The following ZNF382 variants were observed in gnomAD, a reference collection of about 807,000 sequenced individuals.
The protein encoded by ZNF382 is KRAB/zinc finger suppressor protein 1.
Under a neutral mutation model 38.8 loss-of-function variants are expected in ZNF382, and 20 were observed. The observed-to-expected ratio is 0.51, with a 90% confidence interval of 0.36 to 0.75. ZNF382 has a LOEUF of 0.75. Among genes scored for constraint, ZNF382 ranks in the 30% least tolerant of loss-of-function variants. The pLI, the probability that ZNF382 is intolerant of heterozygous loss-of-function variation, is 0.00. For missense variants in ZNF382, 546 were observed against 654.1 expected, an observed-to-expected ratio of 0.83 and a Z score of 1.80; for synonymous variants, 202 against 223.1, an observed-to-expected ratio of 0.91 and a Z score of 0.84.
intron 2 of ZNF382, chr19:36,609,102 C>T (rs2037057048): frequency 6.6e-6 from 1 of 152,176 alleles, no homozygotes; most frequent in Non-Finnish European, 1.5e-5. Context: ...ATGTTCTTTA[C>T]ATTCCTTAAA....
At chr19:36,624,275 C>G (rs2037192808) in intron 4 of ZNF382, among the ~76,000 whole-genome samples, 1 of 152,184 alleles carries the variant, frequency 6.6e-6, no homozygotes, top group Non-Finnish European at 1.5e-5. Context: ...AGCTTACACT[C>G]TGCAAAATAT....
At chr19:36,616,592 A>C (rs1423542276) in intron 4 of ZNF382, among the ~76,000 whole-genome samples, 1 of 152,188 alleles carries the variant, frequency 6.6e-6, no homozygotes, top group East Asian at 1.9e-4. Context: ...ACATGGAACA[A>C]GGTTAGCTGT....
intron 4 of ZNF382, among the ~76,000 whole-genome samples, chr19:36,613,401 G>A (rs1247901461): frequency 6.8e-6 from 1 of 146,334 alleles, no homozygotes; most frequent in Non-Finnish European, 1.5e-5. Context: ...ATAGTGCTCT[G>A]TAATTTCTTT....
At chr19:36,620,078 A>G (rs2037157181) in intron 4 of ZNF382, among the ~76,000 whole-genome samples, 1 of 152,022 alleles carries the variant, frequency 6.6e-6, no homozygotes, top group South Asian at 2.1e-4. Flanking sequence ...TCATTGTTTA[A>G]TATCTATCTC....
At chr19:36,605,739 C>G (rs752832134) in intron 1 of ZNF382, 2 of 152,354 alleles carry the variant, frequency 1.3e-5, no homozygotes, top group Non-Finnish European at 2.9e-5. Flanking sequence ...AGGTGCTTGC[C>G]TCTCTTTGGG....
rs1230509739 is a variant in ZNF382 at position 36,628,773 on chromosome 19, T to C, written c.*1223T>C. 2.0e-5 allele frequency: 3 copies of C among 152,574 alleles called. No individual in the cohort carries two copies. The highest frequency in any genetic ancestry group is 4.4e-5 in the Non-Finnish European group (3 of 68,058). 9.5% of individuals were successfully genotyped at this position (152,574 alleles called of 1,614,324 possible). A position where few individuals can be genotyped will look rare whatever the true frequency, so the allele number is the denominator to read the frequency against. On this transcript the variant is annotated 3_prime_UTR_variant, in exon 5 of 5. Transcript: ENST00000292928. ...TCTGTATCTACTGGTCAGGTACAAATGATGAATATGGAAAAGCTTATAGCC... is the reference window on the plus strand; with the variant it reads ...TCTGTATCTACTGGTCAGGTACAAACGATGAATATGGAAAAGCTTATAGCC...
At chr19:36,605,549 A>G (rs2037011955) in intron 1 of ZNF382, 1 of 152,228 alleles carries the variant, frequency 6.6e-6, no homozygotes. Context: ...GGCGTGGTCC[A>G]TGGGCGTGAC....
rs938591774 is a variant in ZNF382, at chr19:36,629,297, C to T, written c.*1747C>T. On this transcript the variant is annotated 3_prime_UTR_variant, in exon 5 of 5. Transcript: ENST00000292928. ...GAAAGAAGTCTAGCCATACCGAGAC[C>T]ATAATGCTAGGAAGTCTATGTGTAG... The T allele has an allele frequency of 2.0e-5, 3 of 152,102 alleles. No homozygotes were observed. The highest frequency in any genetic ancestry group is 7.2e-5 in the African/African-American group (3 of 41,416). 9.4% of individuals were successfully genotyped at this position (152,102 alleles called of 1,614,324 possible).
chr19:36,622,519 A>G (rs552818155), intron 4 of ZNF382, among the ~76,000 whole-genome samples: 2 of 152,290 alleles, frequency 1.3e-5, no homozygotes, highest in African/African-American at 2.4e-5. Flanking sequence ...TGGCAACACT[A>G]TGTGACGATA....
chr19:36,626,999 A>C lies in ZNF382; in HGVS notation c.1102A>C (p.Thr368Pro), dbSNP rs1032659383. 1 of 1,614,138 alleles carries C rather than the reference A, an allele frequency of 6.2e-7. No individual in the cohort carries two copies. The highest frequency in any genetic ancestry group is 1.3e-5 in the African/African-American group (1 of 75,030). ...GKSFRQKATL[T>P]RHHKTHTGEK... is the part of the protein sequence containing the mutation. ...GTCCTTCCGCCAGAAGGCCACCCTCACTAGACATCACAAAACACATACGGG... is the reference window on the plus strand; with the variant it reads ...GTCCTTCCGCCAGAAGGCCACCCTCCCTAGACATCACAAAACACATACGGG... Residue 368 changes from threonine to proline, a missense_variant, in exon 5 of 5, where the codon ACT becomes CCT. Coordinates refer to ENST00000292928, the MANE Select transcript of ZNF382 (RefSeq NM_032825.5).
At position 36,609,704 on chromosome 19, in the gene ZNF382, A is replaced by G. The variant is rs557583059; in HGVS notation, c.-13-198A>G. On this transcript the variant is annotated intron_variant, in intron 2 of 4. Transcript: ENST00000292928. ...AGGGTTTTATTCATTTTGGTCTACC[A>G]GGCAACCAGTCACATTCAGGACAAA... The G allele has an allele frequency of 6.8e-4, 321 of 474,542 alleles. 1 individual carries two copies. Among genetic ancestry groups the G allele is most frequent in the South Asian group, 1.7e-3 (41 of 24,288 alleles). 29.4% of individuals were successfully genotyped at this position (474,542 alleles called of 1,614,324 possible).
rs1189382048 is a variant in ZNF382, at chr19:36,633,843, T to TATGATTCCATTTATATCC, written c.*6309_*6310insCCATGATTCCATTTATAT. 2 of 152,104 alleles carry TATGATTCCATTTATATCC rather than the reference T, an allele frequency of 1.3e-5. No homozygotes were observed. Among genetic ancestry groups the TATGATTCCATTTATATCC allele is most frequent in the African/African-American group, 4.8e-5 (2 of 41,404 alleles). The allele number at this position is 152,104 out of a possible 1,614,324, so 9.4% of individuals were successfully genotyped here. A position where few individuals can be genotyped will look rare whatever the true frequency, so the allele number is the denominator to read the frequency against. On this transcript the variant is annotated 3_prime_UTR_variant, in exon 5 of 5. Coordinates refer to ENST00000292928, the MANE Select transcript of ZNF382 (RefSeq NM_032825.5). ...CCCAGTCCCAAAAAGTTACATACTGTATGATTCCATTTATATGACATGCTG... is the reference window on the plus strand; with the variant it reads ...CCCAGTCCCAAAAAGTTACATACTGTATGATTCCATTTATATCCATGATTCCATTTATATGACATGCTG...
In ZNF382 at chr19:36,632,743, C is replaced by T. The variant is rs2037261562; in HGVS notation, c.*5193C>T. ...GCTTTGCAGTCTGACTGTAAATCAG[C>T]TCCATCTTATAAACATGGTTCCTAT... is the stretch of plus-strand genomic sequence containing the variant. On this transcript the variant is annotated 3_prime_UTR_variant, in exon 5 of 5. Coordinates refer to ENST00000292928, the MANE Select transcript of ZNF382 (RefSeq NM_032825.5). The T allele has an allele frequency of 6.6e-6, 1 of 152,214 alleles. No homozygotes were observed. Among genetic ancestry groups the T allele is most frequent in the African/African-American group, 2.4e-5 (1 of 41,442 alleles). The allele number at this position is 152,214 out of a possible 1,614,324, so 9.4% of individuals were successfully genotyped here.
chr19:36,618,762 G>T (rs1402567830), intron 4 of ZNF382, among the ~76,000 whole-genome samples: 3 of 152,124 alleles, frequency 2.0e-5, no homozygotes, highest in African/African-American at 4.8e-5. Flanking sequence ...TGTCAGCCGG[G>T]CACAGTGGTT....
intron 4 of ZNF382, among the ~76,000 whole-genome samples, chr19:36,615,843 A>T (rs1417273690): frequency 6.6e-6 from 1 of 152,200 alleles, no homozygotes; most frequent in East Asian, 1.9e-4. Context: ...TAGTAAATAT[A>T]ATAGTAACTT....
rs1386056612 is a variant in ZNF382, at chr19:36,627,594, C to T, written c.*44C>T. ...TAAAAAAATGTTAAGTCATAGTAAA[C>T]CCTGTAGATGATGTTGCTTGCAAGC... On this transcript the variant is annotated 3_prime_UTR_variant, in exon 5 of 5. Coordinates refer to ENST00000292928, the MANE Select transcript of ZNF382 (RefSeq NM_032825.5). 7.0e-7 allele frequency: 1 copy of T among 1,431,662 alleles called. No homozygotes were observed. The highest frequency in any genetic ancestry group is 9.7e-7 in the Non-Finnish European group (1 of 1,028,372). 88.7% of individuals were successfully genotyped at this position (1,431,662 alleles called of 1,614,324 possible).
chr19:36,613,480 A>G (rs1214152046), intron 4 of ZNF382, among the ~76,000 whole-genome samples: 2 of 147,554 alleles, frequency 1.4e-5, no homozygotes, highest in Non-Finnish European at 3.0e-5. Flanking sequence ...CTGGAGCGCA[A>G]TGGTGTGATC....
At chr19:36,605,505 T>C (rs1375531152) in intron 1 of ZNF382, 158 bp downstream of exon 1, 2 of 152,394 alleles carry the variant, frequency 1.3e-5, no homozygotes, top group East Asian at 3.9e-4. Context: ...GACCGCGGTA[T>C]CCAGACGCTC....
chr19:36,626,032 C>A, intron 4 of ZNF382, 98 bp from the exon 5 acceptor site: 1 of 776,224 alleles, frequency 1.3e-6, no homozygotes, highest in Non-Finnish European at 1.9e-6. Context: ...TTTTGTAGAT[C>A]ACGGTAGTGA....
Sources: gnomAD v4.1 joint callset for allele counts (sites outside exome capture counted in the v4.1 genomes callset) on GRCh38, gnomAD v4.1.1 for gene constraint, MANE v1.5 for transcripts, NCBI Gene and HGNC (gene_info 2026-07-23, HGNC 2026-07-21) for gene names.